The following PFKP variants were observed in gnomAD, a reference collection of about 807,000 sequenced individuals.
The protein encoded by PFKP is phosphofructokinase, platelet.
Under a neutral mutation model 94.3 loss-of-function variants are expected in PFKP, and 101 were observed. The ratio of observed to expected loss-of-function variants is 1.07; its 90% CI spans 0.91 to 1.26. The LOEUF is 1.26. Among genes scored for constraint, PFKP ranks in the 50% most tolerant of loss-of-function variants. PFKP has a pLI of 0.00. For synonymous variants in PFKP, 573 were observed against 432.6 expected (o/e 1.32, Z -4.03); for missense variants, 1,145 against 1,103.3 (o/e 1.04, Z -0.53).
At chr10:3,121,820 TTTTTTTTTTTC>T (rs1188078343) in intron 16 of PFKP, among the ~76,000 whole-genome samples, 24 of 44,482 alleles carry the variant, frequency 5.4e-4, no homozygotes, top group Admixed American at 9.5e-4. Flanking sequence ...TTTTTTTTTT[TTTTTTTTTTTC>T]TTTTTTTGGA....
chr10:3,116,629 G>T, intron 13 of PFKP, 147 bp from the exon 14 acceptor site: 2 of 662,910 alleles, frequency 3.0e-6, no homozygotes, highest in Non-Finnish European at 2.8e-6. Context: ...TGATTCATCC[G>T]GGCATCGTGA....
At chr10:3,114,298 C>T (rs549835698) in intron 13 of PFKP, among the ~76,000 whole-genome samples, 17 of 152,190 alleles carry the variant, frequency 1.1e-4, no homozygotes, top group South Asian at 4.2e-4. Flanking sequence ...TACAGGCACG[C>T]GCCACCACGC....
At chr10:3,097,315 A>G (rs919875117) in intron 2 of PFKP, among the ~76,000 whole-genome samples, 3 of 151,980 alleles carry the variant, frequency 2.0e-5, no homozygotes, top group East Asian at 1.9e-4. Context: ...CAGAACATAA[A>G]CGGTGCCTCC....
chr10:3,114,058 G>A (rs899477205), intron 13 of PFKP, among the ~76,000 whole-genome samples: 1 of 99,566 alleles, frequency 1.0e-5, no homozygotes, highest in African/African-American at 3.3e-5. Context: ...GGTGCACGAG[G>A]GAGGACTGGA....
At chr10:3,127,071 T>G (rs1161107853) in intron 16 of PFKP, among the ~76,000 whole-genome samples, 1 of 152,284 alleles carries the variant, frequency 6.6e-6, no homozygotes, top group Non-Finnish European at 1.5e-5. Context: ...ATCTGCCGCC[T>G]TCTTGTCAGT....
chr10:3,125,585 T>C (rs1042016725), intron 16 of PFKP, among the ~76,000 whole-genome samples: 2 of 150,506 alleles, frequency 1.3e-5, no homozygotes, highest in African/African-American at 4.9e-5. Flanking sequence ...TGTGGGAGCC[T>C]GCAGGAAGGG....
intron 20 of PFKP, among the ~76,000 whole-genome samples, chr10:3,135,085 A>G (rs1233909187): frequency 6.6e-6 from 1 of 152,216 alleles, no homozygotes; most frequent in Non-Finnish European, 1.5e-5. Context: ...TTTAAACTGA[A>G]GTTTCAAGAA....
At chr10:3,080,537 A>AT (rs1213102970) in intron 1 of PFKP, among the ~76,000 whole-genome samples, 1 of 149,254 alleles carries the variant, frequency 6.7e-6, no homozygotes, top group Non-Finnish European at 1.5e-5. Flanking sequence ...AAAAAAAAAA[A>AT]AAAGAGAATA....
intron 21 of PFKP, among the ~76,000 whole-genome samples, chr10:3,136,114 A>C (rs1839270538): frequency 6.6e-6 from 1 of 152,158 alleles, no homozygotes; most frequent in African/African-American, 2.4e-5. Context: ...AAATACAAAA[A>C]TGAGCCAGGC....
At chr10:3,075,312 G>T (rs1029086511) in intron 1 of PFKP, among the ~76,000 whole-genome samples, 1 of 151,964 alleles carries the variant, frequency 6.6e-6, no homozygotes, top group South Asian at 2.1e-4. Context: ...GATTTGGGGG[G>T]GCCTGCTCCC....
intron 1 of PFKP, chr10:3,069,108 G>C: frequency 2.4e-6 from 1 of 414,040 alleles, no homozygotes; most frequent in Non-Finnish European, 3.5e-6. Context: ...TGCGCCGCGC[G>C]CTCCCCAGGC....
At chr10:3,100,829 T>A (rs1012558041) in intron 3 of PFKP, 2 of 659,494 alleles carry the variant, frequency 3.0e-6, no homozygotes, top group Non-Finnish European at 5.2e-6. Flanking sequence ...CCTGAAGATA[T>A]AGCTCTTTAA....
intron 2 of PFKP, among the ~76,000 whole-genome samples, chr10:3,087,984 C>CT (rs1224829610): frequency 0.45 from 43,201 of 95,768 alleles, 8,784 homozygotes; most frequent in Middle Eastern, 0.59. Context: ...ATCTTTCATT[C>CT]TTTTTTTTTT....
At chr10:3,113,945 C>T (rs367793732) in intron 13 of PFKP, among the ~76,000 whole-genome samples, 4 of 152,208 alleles carry the variant, frequency 2.6e-5, no homozygotes, top group Admixed American at 1.3e-4. Flanking sequence ...GTGCTGTATC[C>T]AGTTGTTCTG....
chr10:3,132,344 A>G (rs1783026815), intron 17 of PFKP, 36 bp from the exon 18 acceptor site: 7 of 1,484,180 alleles, frequency 4.7e-6, no homozygotes, highest in African/African-American at 1.4e-5. Context: ...ACTTAGTAGA[A>G]GTTTATTGTC....
chr10:3,135,682 C>G, intron 20 of PFKP, 54 bp from the exon 21 acceptor site: 1 of 1,081,428 alleles, frequency 9.2e-7, no homozygotes. Context: ...ATTCTGCTCC[C>G]CCACCTGCCC....
At chr10:3,114,306 C>T (rs186137723) in intron 13 of PFKP, among the ~76,000 whole-genome samples, 66 of 152,236 alleles carry the variant, frequency 4.3e-4, no homozygotes, top group East Asian at 2.7e-3. Flanking sequence ...CGCGCCACCA[C>T]GCCCAGCTCA....
intron 21 of PFKP, among the ~76,000 whole-genome samples, chr10:3,136,192 G>A (rs936272428): frequency 2.0e-5 from 3 of 152,182 alleles, no homozygotes; most frequent in Non-Finnish European, 4.4e-5. Context: ...TTGAACCCGG[G>A]AGGCAGAGGT....
In PFKP at chr10:3,119,810, G is replaced by A. The variant is rs1564335168; in HGVS notation, c.1531-82G>A. The A allele has an allele frequency of 7.0e-5, 92 of 1,305,774 alleles. No homozygotes were observed. The East Asian group carries it at 2.1e-3, about 29-fold the overall frequency. The allele number at this position is 1,305,774 out of a possible 1,614,324, so 80.9% of individuals were successfully genotyped here. On this transcript the variant is annotated intron_variant, in intron 15 of 21. Coordinates refer to ENST00000381125, the MANE Select transcript of PFKP (RefSeq NM_002627.5). ...GTGCTCCCTGCGTGCTGTGGTGGAG[G>A]TGGCGCTCCCAGCCTCTCCCAGCGA...
Sources: gnomAD v4.1 joint callset for allele counts (sites outside exome capture counted in the v4.1 genomes callset) on GRCh38, gnomAD v4.1.1 for gene constraint, MANE v1.5 for transcripts, NCBI Gene and HGNC (gene_info 2026-07-23, HGNC 2026-07-21) for gene names.